PKN2: variants seen among roughly 807,000 people sequenced by gnomAD.
PKN2 encodes the protein serine/threonine-protein kinase N2.
In PKN2, 38 loss-of-function variants were observed where a neutral mutation model predicts 119.1. The ratio of observed to expected loss-of-function variants is 0.32; its 90% CI spans 0.25 to 0.42. The LOEUF is 0.42. Among genes scored for constraint, PKN2 ranks in the 10% least tolerant of loss-of-function variants. PKN2 has a pLI of 1.00. For synonymous variants in PKN2, 390 were observed against 384.9 expected, an observed-to-expected ratio of 1.01 and a Z score of -0.15; for missense variants, 850 against 1,165.1, an observed-to-expected ratio of 0.73 and a Z score of 3.94.
intron 2 of PKN2, among the ~76,000 whole-genome samples, chr1:88,750,846 C>T (rs892480362): frequency 3.3e-5 from 5 of 152,248 alleles, no homozygotes; most frequent in South Asian, 2.1e-4. Context: ...TAGATTCTAC[C>T]TCTGATAATA....
At chr1:88,822,496 G>C (rs532632137) in intron 17 of PKN2, among the ~76,000 whole-genome samples, 39 of 151,862 alleles carry the variant, frequency 2.6e-4, no homozygotes, top group African/African-American at 9.2e-4. Flanking sequence ...ACCACACCTT[G>C]ACTAACACTC....
At chr1:88,694,183 G>T (rs1253130963) in intron 1 of PKN2, among the ~76,000 whole-genome samples, 5 of 152,072 alleles carry the variant, frequency 3.3e-5, no homozygotes. Context: ...GCATTCTATG[G>T]GTTTGTACAA....
intron 2 of PKN2, among the ~76,000 whole-genome samples, chr1:88,746,143 G>A (rs1027939055): frequency 4.6e-5 from 7 of 152,000 alleles, no homozygotes; most frequent in African/African-American, 1.7e-4. Flanking sequence ...ACGTTTATAA[G>A]ACTTAAATGT....
At chr1:88,707,938 G>A (rs1047443764) in intron 1 of PKN2, among the ~76,000 whole-genome samples, 4 of 152,016 alleles carry the variant, frequency 2.6e-5, no homozygotes, top group African/African-American at 9.7e-5. Flanking sequence ...GTCTATAGTT[G>A]TTCTAGTATT....
In PKN2 at chr1:88,833,393, C is replaced by G. The variant is rs200905692; in HGVS notation, c.2900C>G (p.Ser967Trp). The G allele has an allele frequency of 6.2e-7, 1 of 1,613,224 alleles. No homozygotes were observed. Among genetic ancestry groups the G allele is most frequent in the East Asian group, 2.2e-5 (1 of 44,872 alleles). Residue 967 changes from serine to tryptophan, a missense_variant, in exon 22 of 22, where the codon TCG becomes TGG. By Grantham distance (177) the Ser-to-Trp change is radical. Around this residue, in one of 9 missense-constraint regions of PKN2, gnomAD observed 52 missense variants for 39.9 expected, o/e 1.30. Coordinates refer to ENST00000370521, the MANE Select transcript of PKN2 (RefSeq NM_006256.4). ...LTPPREPRIL[S>W]EEEQEMFRDF... ...CCACCTCGAGAACCAAGGATACTTT[C>G]GGAAGAGGAGCAGGAAATGTTCAGA...
At chr1:88,783,105 T>G (rs1228305894) in intron 6 of PKN2, among the ~76,000 whole-genome samples, 1 of 152,246 alleles carries the variant, frequency 6.6e-6, no homozygotes, top group African/African-American at 2.4e-5. Flanking sequence ...ACAAACACTA[T>G]TCCTACCTAT....
chr1:88,833,648 T>C lies in PKN2; in HGVS notation c.*200T>C, dbSNP rs76669528. On this transcript the variant is annotated 3_prime_UTR_variant, in exon 22 of 22. Coordinates refer to ENST00000370521, the MANE Select transcript of PKN2 (RefSeq NM_006256.4). Reference sequence around the variant, plus strand: ...TCCTCATTGTACTTCAGCGTAAATATGAGCACTGGAAACAGTTTCATGGAG... The same window carrying C: ...TCCTCATTGTACTTCAGCGTAAATACGAGCACTGGAAACAGTTTCATGGAG... 978 of 548,450 alleles carry C rather than the reference T, an allele frequency of 1.8e-3. 5 individuals are homozygous for C. The highest frequency in any genetic ancestry group is 0.017 in the African/African-American group (877 of 52,298). 34.0% of individuals were successfully genotyped at this position (548,450 alleles called of 1,614,324 possible).
intron 1 of PKN2, among the ~76,000 whole-genome samples, chr1:88,730,458 G>A (rs1668104287): frequency 6.6e-6 from 1 of 152,212 alleles, no homozygotes; most frequent in Non-Finnish European, 1.5e-5. Flanking sequence ...CTCGTTACAA[G>A]ATGACTGCTG....
chr1:88,728,016 C>CTTTTT (rs34460979), intron 1 of PKN2, among the ~76,000 whole-genome samples: 49 of 130,664 alleles, frequency 3.8e-4, no homozygotes, highest in South Asian at 7.2e-4. Flanking sequence ...TTTCTTGGGG[C>CTTTTT]TTTTTTTTTT....
In PKN2 at chr1:88,770,339, A is replaced by AT. The variant is rs1226989764; in HGVS notation, c.505-6dup. On this transcript the variant is annotated splice_polypyrimidine_tract_variant and intron_variant, in intron 3 of 21. Transcript: ENST00000370521. ...TTTATTTGCTTAATTTTTCAAACTTATTTTTTTAATAGGATCGGAAACTCC... is the reference window on the plus strand; with the variant it reads ...TTTATTTGCTTAATTTTTCAAACTTATTTTTTTTAATAGGATCGGAAACTCC... The AT allele has an allele frequency of 2.0e-6, 3 of 1,537,664 alleles. No individual in the cohort carries two copies. The highest frequency in any genetic ancestry group is 4.5e-5 in the East Asian group (2 of 44,466).
At position 88,784,872 on chromosome 1, in the gene PKN2, A is replaced by G. The variant is rs745563414; in HGVS notation, c.1171+48A>G. 2.6e-6 allele frequency: 3 copies of G among 1,146,148 alleles called. No individual in the cohort carries two copies. In the South Asian group the frequency reaches 4.9e-5, roughly 19 times the overall value. 71.0% of individuals were successfully genotyped at this position (1,146,148 alleles called of 1,614,324 possible). A position where few individuals can be genotyped will look rare whatever the true frequency, so the allele number is the denominator to read the frequency against. ...AATCATGTAACAAACTAAAGTGCTTATACAAGGGATTTATGAAGTGTTCAA... is the reference window on the plus strand; with the variant it reads ...AATCATGTAACAAACTAAAGTGCTTGTACAAGGGATTTATGAAGTGTTCAA... On this transcript the variant is annotated intron_variant, in intron 7 of 21. Transcript: ENST00000370521.
chr1:88,763,836 A>T (rs1669547731), intron 3 of PKN2, among the ~76,000 whole-genome samples: 1 of 152,138 alleles, frequency 6.6e-6, no homozygotes, highest in Non-Finnish European at 1.5e-5. Flanking sequence ...TAGATCGGTT[A>T]TGTGGATAGA....
chr1:88,816,776 C>T (rs1672012547), intron 16 of PKN2: 1 of 152,160 alleles, frequency 6.6e-6, no homozygotes, highest in African/African-American at 2.4e-5. Flanking sequence ...AAATTATAGA[C>T]CCGTGCTCAC....
chr1:88,730,326 G>T (rs935185205), intron 1 of PKN2, among the ~76,000 whole-genome samples: 29 of 152,136 alleles, frequency 1.9e-4, no homozygotes, highest in Admixed American at 1.8e-3. Flanking sequence ...CCAGAAACAA[G>T]AAGTAGAAAG....
Position 88,828,497 on chromosome 1 carries a change from T to C in PKN2, c.2436T>C (p.Asp812=), listed in dbSNP as rs564929772. 4.3e-6 allele frequency: 7 copies of C among 1,611,598 alleles called. No homozygotes were observed. Among genetic ancestry groups the C allele is most frequent in the African/African-American group, 4.0e-5 (3 of 75,032 alleles). Residue 812 remains aspartate, a synonymous_variant, in exon 19 of 22, where the codon GAT becomes GAC. Transcript: ENST00000370521. ...GLCKEGMGYG[D]RTSTFCGTPE... is the part of the protein sequence containing the mutation. Reference sequence around the variant, plus strand: ...CTTTTCCAGGAATGGGATATGGAGATAGAACAAGCACATTTTGTGGCACTC... The same window carrying C: ...CTTTTCCAGGAATGGGATATGGAGACAGAACAAGCACATTTTGTGGCACTC...
chr1:88,809,463 T>C (rs563323924), intron 15 of PKN2, among the ~76,000 whole-genome samples: 2 of 152,246 alleles, frequency 1.3e-5, no homozygotes, highest in African/African-American at 2.4e-5. Flanking sequence ...GGAAACTGTT[T>C]ACTACTTCTA....
chr1:88,778,955 C>T (rs762652653), intron 6 of PKN2, among the ~76,000 whole-genome samples: 3 of 152,144 alleles, frequency 2.0e-5, no homozygotes, highest in Non-Finnish European at 2.9e-5. Flanking sequence ...GATCTCCTGA[C>T]CTTGTGATCC....
chr1:88,811,239 G>T (rs1173164056), intron 15 of PKN2, among the ~76,000 whole-genome samples: 1 of 152,102 alleles, frequency 6.6e-6, no homozygotes, highest in African/African-American at 2.4e-5. Context: ...AACAGAATAG[G>T]GTTGGAAGTA....
chr1:88,744,244 T>C (rs1432255133), intron 2 of PKN2, among the ~76,000 whole-genome samples: 3 of 152,214 alleles, frequency 2.0e-5, no homozygotes, highest in African/African-American at 7.2e-5. Flanking sequence ...AAGGACATTG[T>C]GCTTTGCTTT....
Sources: gnomAD v4.1 joint callset for allele counts (sites outside exome capture counted in the v4.1 genomes callset) on GRCh38, gnomAD v4.1.1 for gene constraint, gnomAD v4.1.1 regional missense constraint, MANE v1.5 for transcripts, NCBI Gene and HGNC (gene_info 2026-07-23, HGNC 2026-07-21) for gene names.